The following SLC4A4 variants were observed in gnomAD, a reference collection of about 807,000 sequenced individuals.
SLC4A4 encodes the protein electrogenic sodium bicarbonate cotransporter 1.
SLC4A4 carries 27 observed loss-of-function variants against 111.5 expected under a neutral mutation model. That is an observed-to-expected ratio of 0.24 (90% CI 0.18 to 0.33). SLC4A4 has a LOEUF of 0.33. SLC4A4 is among the 10% of genes least tolerant of loss of function. The pLI is 1.00. For missense variants in SLC4A4, 909 were observed against 1,315.5 expected, an observed-to-expected ratio of 0.69 and a Z score of 4.78; for synonymous variants, 443 against 463.4, an observed-to-expected ratio of 0.96 and a Z score of 0.57.
At chr4:71,500,480 A>G (rs185727875) in intron 16 of SLC4A4, among the ~76,000 whole-genome samples, 2 of 151,822 alleles carry the variant, frequency 1.3e-5, no homozygotes, top group Non-Finnish European at 2.9e-5. Flanking sequence ...ATCCCTGGCT[A>G]TTTTCTTTTT....
At chr4:71,547,510 T>G in intron 19 of SLC4A4, 138 bp from the exon 20 acceptor site, 2 of 743,904 alleles carry the variant, frequency 2.7e-6, no homozygotes, top group East Asian at 5.1e-5. Flanking sequence ...CTTGAGGTAT[T>G]ATTTACATGA....
At chr4:71,460,839 T>C (rs1726753211) in intron 12 of SLC4A4, among the ~76,000 whole-genome samples, 1 of 152,134 alleles carries the variant, frequency 6.6e-6, no homozygotes, top group East Asian at 1.9e-4. Context: ...TTGGTTCTGA[T>C]TTAATTGTTT....
At chr4:71,181,804 A>AC (rs1745303216) in intron 2 of SLC4A4, among the ~76,000 whole-genome samples, 3 of 151,354 alleles carry the variant, frequency 2.0e-5, no homozygotes, top group African/African-American at 4.9e-5. Flanking sequence ...ACCTTCCTTG[A>AC]CCCCCCCACT....
At chr4:71,525,394 G>C (rs189112243) in intron 16 of SLC4A4, among the ~76,000 whole-genome samples, 2 of 152,010 alleles carry the variant, frequency 1.3e-5, no homozygotes, top group Admixed American at 1.3e-4. Context: ...TATAAAAAAG[G>C]CATTACAGTC....
At chr4:71,541,737 G>C (rs1002627203) in intron 18 of SLC4A4, among the ~76,000 whole-genome samples, 1 of 151,816 alleles carries the variant, frequency 6.6e-6, no homozygotes, top group African/African-American at 2.4e-5. Flanking sequence ...GAGGTGGGTG[G>C]GGGGAGCTGA....
In SLC4A4 at chr4:71,569,297, T is replaced by C. The variant is rs1313601115; in HGVS notation, c.*1546T>C. 3 of 151,482 alleles carry C rather than the reference T, an allele frequency of 2.0e-5. No individual in the cohort carries two copies. The highest frequency in any genetic ancestry group is 3.0e-5 in the Non-Finnish European group (2 of 67,742). 9.4% of individuals were successfully genotyped at this position (151,482 alleles called of 1,614,324 possible). ...ACATGCAATATAAAATTCATAGGAG[T>C]ATTAATAGCCCATTTACACATCTAT... is the stretch of plus-strand genomic sequence containing the variant. On this transcript the variant is annotated 3_prime_UTR_variant, in exon 26 of 26. Coordinates refer to ENST00000264485, the MANE Select transcript of SLC4A4 (RefSeq NM_001098484.3).
intron 16 of SLC4A4, among the ~76,000 whole-genome samples, chr4:71,521,956 AC>A (rs1007547977): frequency 3.9e-5 from 6 of 152,160 alleles, no homozygotes; most frequent in African/African-American, 1.4e-4. Context: ...ATGGTCAATG[AC>A]CCAGTCTCTT....
intron 6 of SLC4A4, among the ~76,000 whole-genome samples, chr4:71,395,873 A>T (rs181969690): frequency 2.0e-5 from 3 of 152,368 alleles, no homozygotes; most frequent in Non-Finnish European, 1.5e-5. Flanking sequence ...CAACATGATT[A>T]GGATTGCTAA....
intron 2 of SLC4A4, among the ~76,000 whole-genome samples, chr4:71,136,212 G>A (rs550806064): frequency 9.2e-5 from 14 of 152,174 alleles, no homozygotes; most frequent in Non-Finnish European, 1.6e-4. Flanking sequence ...GGGTGCTCTA[G>A]GGCTAGGGAA....
intron 3 of SLC4A4, among the ~76,000 whole-genome samples, chr4:71,267,997 T>G (rs1171086681): frequency 6.7e-6 from 1 of 148,428 alleles, no homozygotes; most frequent in Non-Finnish European, 1.5e-5. Flanking sequence ...GCAGAACCAC[T>G]CCCAACTTCT....
At chr4:71,408,499 T>C (rs1199183258) in intron 7 of SLC4A4, among the ~76,000 whole-genome samples, 1 of 152,224 alleles carries the variant, frequency 6.6e-6, no homozygotes, top group East Asian at 1.9e-4. Context: ...CCATTTCATT[T>C]AGGTATCATT....
At chr4:71,215,754 C>T (rs769481968) in intron 1 of SLC4A4, among the ~76,000 whole-genome samples, 8 of 152,094 alleles carry the variant, frequency 5.3e-5, no homozygotes, top group Non-Finnish European at 1.0e-4. Context: ...ACAAGTGAAC[C>T]GTCCCAAAGG....
At chr4:71,183,095 A>G (rs1386237298), upstream of SLC4A4, among the ~76,000 whole-genome samples, 4 of 152,248 alleles carry the variant, frequency 2.6e-5, no homozygotes, top group Non-Finnish European at 5.9e-5. Flanking sequence ...TCATTCTGGT[A>G]TCCTGTTGGA....
intron 2 of SLC4A4, among the ~76,000 whole-genome samples, chr4:71,122,726 C>T (rs557343921): frequency 3.1e-4 from 47 of 152,232 alleles, no homozygotes; most frequent in African/African-American, 9.9e-4. Flanking sequence ...ACATGCTGGC[C>T]GTAGAGTTTC....
rs1196433351 is a variant in SLC4A4 at position 71,518,818 on chromosome 4, TG to T, written c.2167-13239del. On this transcript the variant is annotated intron_variant, in intron 16 of 25. Transcript: ENST00000264485. ...ATGGGATTGCTGAGCCAGCCTGGTG[TG>T]GGGGCAACCCGGATCAGTCTGTGGT... 4.6e-5 allele frequency among the ~76,000 whole-genome samples: 7 copies of T among 152,224 alleles called. No homozygotes were observed. The South Asian group carries it at 8.3e-4, about 18-fold the overall frequency.
At chr4:71,259,331 C>A (rs916610846) in intron 3 of SLC4A4, among the ~76,000 whole-genome samples, 1 of 151,942 alleles carries the variant, frequency 6.6e-6, no homozygotes, top group Admixed American at 6.6e-5. Flanking sequence ...ACATTTGGAG[C>A]TCTGAGGAGG....
At chr4:71,158,358 A>G (rs559200028) in intron 2 of SLC4A4, among the ~76,000 whole-genome samples, 1 of 152,304 alleles carries the variant, frequency 6.6e-6, no homozygotes, top group Middle Eastern at 3.4e-3. Context: ...TGCCTAAAAA[A>G]GCAGTTCATT....
intron 1 of SLC4A4, among the ~76,000 whole-genome samples, chr4:71,218,977 C>T (rs903636414): frequency 5.8e-4 from 88 of 152,216 alleles, no homozygotes; most frequent in African/African-American, 2.1e-3. Context: ...TGTATCCCAT[C>T]AATGTCTAGT....
At chr4:71,404,836 C>A (rs1027304049) in intron 7 of SLC4A4, among the ~76,000 whole-genome samples, 3 of 151,882 alleles carry the variant, frequency 2.0e-5, no homozygotes, top group Non-Finnish European at 4.4e-5. Flanking sequence ...CACTCTGTTA[C>A]CCAGGCTGGA....
Sources: gnomAD v4.1 joint callset for allele counts (sites outside exome capture counted in the v4.1 genomes callset) on GRCh38, gnomAD v4.1.1 for gene constraint, MANE v1.5 for transcripts, NCBI Gene and HGNC (gene_info 2026-07-23, HGNC 2026-07-21) for gene names.